RGS8: variants seen among roughly 807,000 people sequenced by gnomAD.
RGS8 encodes the protein regulator of G protein signaling 8, also known as regulator of G-protein signaling 8.
In RGS8, 8 loss-of-function variants were observed where a neutral mutation model predicts 21.7. That is an observed-to-expected ratio of 0.37 (90% confidence interval 0.22 to 0.66). The LOEUF (loss-of-function observed/expected upper bound fraction) is 0.66. Among genes scored for constraint, RGS8 ranks in the 30% least tolerant of loss-of-function variants. The pLI is 0.59. For missense variants in RGS8, 157 were observed against 217.9 expected, an observed-to-expected ratio of 0.72 and a Z score of 1.76; for synonymous variants, 80 against 83.6, an observed-to-expected ratio of 0.96 and a Z score of 0.24.
At chr1:182,692,006 C>CT in the RGS8 span, among the ~76,000 whole-genome samples, 2,845 of 138,226 alleles carry the variant, frequency 0.021, 39 homozygotes, top group Non-Finnish European at 0.026. Flanking sequence ...GTTAGCATTT[C>CT]TTTTTTTTTT....
At chr1:182,750,502 T>C in the RGS8 span, among the ~76,000 whole-genome samples, 2 of 152,208 alleles carry the variant, frequency 1.3e-5, no homozygotes, top group East Asian at 3.8e-4. Context: ...CATTTTTCTA[T>C]ATATTTTTAT....
chr1:182,721,104 T>C, the RGS8 span, among the ~76,000 whole-genome samples: 9 of 116,376 alleles, frequency 7.7e-5, no homozygotes, highest in African/African-American at 1.3e-4. Flanking sequence ...TGTATATATA[T>C]ACATATATAT....
the RGS8 span, among the ~76,000 whole-genome samples, chr1:182,706,194 G>C: frequency 6.6e-6 from 1 of 151,760 alleles, no homozygotes; most frequent in Non-Finnish European, 1.5e-5. Flanking sequence ...CATGTTGCCT[G>C]GGCTGGTCTC....
chr1:182,663,556 T>A (rs1159688555), intron 5 of RGS8, among the ~76,000 whole-genome samples: 2 of 152,112 alleles, frequency 1.3e-5, no homozygotes, highest in Non-Finnish European at 2.9e-5. Context: ...AGAAACAGGG[T>A]CTCACTCCGT....
chr1:182,718,126 A>G, the RGS8 span, among the ~76,000 whole-genome samples: 1 of 152,296 alleles, frequency 6.6e-6, no homozygotes, highest in Non-Finnish European at 1.5e-5. Context: ...GTGGGGGCCA[A>G]AGCACCTCTG....
At chr1:182,743,521 TA>T in the RGS8 span, among the ~76,000 whole-genome samples, 1 of 152,206 alleles carries the variant, frequency 6.6e-6, no homozygotes, top group Non-Finnish European at 1.5e-5. Flanking sequence ...ACTGAACTCA[TA>T]ATAACTCATA....
At chr1:182,675,633 C>T (rs1190046985), upstream of RGS8, among the ~76,000 whole-genome samples, 2 of 152,116 alleles carry the variant, frequency 1.3e-5, no homozygotes, top group African/African-American at 2.4e-5. Context: ...CCCTTCTGCC[C>T]GGAATGTCCC....
intron 5 of RGS8, among the ~76,000 whole-genome samples, chr1:182,658,115 A>G (rs74835577): frequency 0.03 from 4,495 of 152,330 alleles, 226 homozygotes; most frequent in African/African-American, 0.099. Context: ...AATTCTTGGA[A>G]CAGTGAGCAG....
At chr1:182,727,421 T>C in the RGS8 span, among the ~76,000 whole-genome samples, 8 of 152,224 alleles carry the variant, frequency 5.3e-5, no homozygotes, top group Non-Finnish European at 1.0e-4. Flanking sequence ...CAATTTATGA[T>C]GAATTTTGTT....
At chr1:182,683,173 C>A (rs956572489) in intron 1 of RGS8, among the ~76,000 whole-genome samples, 1 of 152,216 alleles carries the variant, frequency 6.6e-6, no homozygotes, top group African/African-American at 2.4e-5. Flanking sequence ...CTAACACACA[C>A]TTCTTTCAGG....
At chr1:182,657,812 A>G (rs947655268) in intron 5 of RGS8, among the ~76,000 whole-genome samples, 1 of 152,242 alleles carries the variant, frequency 6.6e-6, no homozygotes, top group Non-Finnish European at 1.5e-5. Context: ...TGATTGTTCA[A>G]TCCAGGTTAG....
At chr1:182,728,172 T>C in the RGS8 span, among the ~76,000 whole-genome samples, 5 of 152,232 alleles carry the variant, frequency 3.3e-5, no homozygotes, top group Admixed American at 1.3e-4. Flanking sequence ...CAGGCATTAA[T>C]CTATCTGGGC....
the RGS8 span, among the ~76,000 whole-genome samples, chr1:182,692,763 C>T: frequency 1.3e-5 from 2 of 151,004 alleles, no homozygotes; most frequent in Non-Finnish European, 2.9e-5. Flanking sequence ...ACAGCATGGT[C>T]CTGGTACAAA....
At chr1:182,662,434 A>T (rs1046416381) in intron 5 of RGS8, among the ~76,000 whole-genome samples, 1 of 152,234 alleles carries the variant, frequency 6.6e-6, no homozygotes, top group Non-Finnish European at 1.5e-5. Flanking sequence ...CATTGTATAG[A>T]TGAAGAAACA....
the RGS8 span, among the ~76,000 whole-genome samples, chr1:182,697,850 C>G: frequency 6.6e-6 from 1 of 152,164 alleles, no homozygotes; most frequent in African/African-American, 2.4e-5. Flanking sequence ...AATATTGTAA[C>G]TGTAGTGGGC....
the RGS8 span, among the ~76,000 whole-genome samples, chr1:182,704,165 A>G: frequency 1.3e-5 from 2 of 152,250 alleles, no homozygotes; most frequent in Non-Finnish European, 2.9e-5. Flanking sequence ...TCCAATAACC[A>G]TAACTGTAAT....
At chr1:182,732,617 G>A in the RGS8 span, among the ~76,000 whole-genome samples, 6 of 152,284 alleles carry the variant, frequency 3.9e-5, no homozygotes, top group East Asian at 1.2e-3. Context: ...AGACCTACTT[G>A]AGGGGCAGAA....
At chr1:182,645,864 CAG>C (rs1363750763), downstream of RGS8, 1 of 152,212 alleles carries the variant, frequency 6.6e-6, no homozygotes, top group Admixed American at 6.5e-5. Context: ...TATGATGCTG[CAG>C]AGAGGTGAGG....
chr1:182,730,432 G>A, the RGS8 span, among the ~76,000 whole-genome samples: 12 of 152,192 alleles, frequency 7.9e-5, no homozygotes, highest in East Asian at 3.9e-4. Flanking sequence ...AAATTTGGCC[G>A]GGGTCAGTGG....
Sources: allele counts gnomAD v4.1 joint callset (sites outside exome capture counted in the v4.1 genomes callset), GRCh38; gene constraint gnomAD v4.1.1; transcripts MANE v1.5; gene names NCBI Gene and HGNC (gene_info 2026-07-23, HGNC 2026-07-21).